FAM169A: variants seen among roughly 807,000 people sequenced by gnomAD.
FAM169A encodes the protein soluble lamin-associated protein of 75 kDa.
Under a neutral mutation model 75.7 loss-of-function variants are expected in FAM169A, and 24 were observed. The observed-to-expected ratio is 0.32, with a 90% CI of 0.23 to 0.45. The LOEUF is 0.45. Among genes scored for constraint, FAM169A ranks in the 20% least tolerant of loss-of-function variants. The probability of loss-of-function intolerance (pLI) is 1.00; values close to 1 mark genes in which losing one functional copy is unlikely to be tolerated. For missense variants in FAM169A, 673 were observed against 784.0 expected, an observed-to-expected ratio of 0.86 and a Z score of 1.69; for synonymous variants, 271 against 271.0, an observed-to-expected ratio of 1.00 and a Z score of 0.00.
chr5:74,833,181 G>A lies in FAM169A; in HGVS notation c.490+1245C>T, dbSNP rs149578989. ...CAGGTAGGAAACTCCCCTGGAGCCA[G>A]TATTAGAAACAAAAAGCCTCCAATT... is the stretch of plus-strand genomic sequence containing the variant. On this transcript the variant is annotated intron_variant, in intron 5 of 12. Transcript: ENST00000687041. Among the ~76,000 whole-genome samples, 134 of 152,248 alleles carry A rather than the reference G, an allele frequency of 8.8e-4. 2 individuals are homozygous for A. In the East Asian group the frequency reaches 0.025, roughly 28 times the overall value.
At chr5:74,855,121 G>A (rs932544400) in intron 1 of FAM169A, among the ~76,000 whole-genome samples, 1 of 152,160 alleles carries the variant, frequency 6.6e-6, no homozygotes, top group Non-Finnish European at 1.5e-5. Flanking sequence ...ACCAGCATTC[G>A]TTACTGCCTG....
At chr5:74,809,825 T>C (rs1038257456) in intron 6 of FAM169A, among the ~76,000 whole-genome samples, 2 of 152,084 alleles carry the variant, frequency 1.3e-5, no homozygotes, top group Admixed American at 6.5e-5. Flanking sequence ...ATTAAAGAGA[T>C]TGACAAAAAC....
intron 6 of FAM169A, among the ~76,000 whole-genome samples, chr5:74,805,523 G>GTTTTTTT (rs1561298455): frequency 1.9e-5 from 2 of 105,604 alleles, no homozygotes; most frequent in Non-Finnish European, 1.8e-5. Flanking sequence ...AATGTGCTTC[G>GTTTTTTT]CTTTTTTTTT....
chr5:74,821,616 AG>A (rs539525046), intron 5 of FAM169A, among the ~76,000 whole-genome samples: 1 of 152,354 alleles, frequency 6.6e-6, no homozygotes, highest in Non-Finnish European at 1.5e-5. Flanking sequence ...TCTATAAATT[AG>A]TTAAGGCAAT....
intron 10 of FAM169A, chr5:74,798,966 T>A (rs1252240210): frequency 1.8e-6 from 2 of 1,104,892 alleles, no homozygotes; most frequent in South Asian, 2.5e-5. Flanking sequence ...CGACCCCAGC[T>A]TTCTCTCCTT....
chr5:74,860,448 C>T (rs1474535712), intron 1 of FAM169A, among the ~76,000 whole-genome samples: 2 of 152,178 alleles, frequency 1.3e-5, no homozygotes, highest in Admixed American at 1.3e-4. Context: ...CTCATAAGAT[C>T]TCCAATAACC....
At chr5:74,799,267 A>T in intron 10 of FAM169A, 1 of 1,533,584 alleles carries the variant, frequency 6.5e-7, no homozygotes, top group Admixed American at 1.7e-5. Context: ...AACACTGATG[A>T]TCCTGAGAAT....
At chr5:74,834,657 T>C (rs150659936) in intron 4 of FAM169A, 60 bp from the exon 5 acceptor site, 4 of 1,303,532 alleles carry the variant, frequency 3.1e-6, no homozygotes, top group East Asian at 2.7e-5. Flanking sequence ...CACAAGATGC[T>C]ATTTACTTTG....
At chr5:74,803,832 C>T (rs1746713812) in intron 8 of FAM169A, among the ~76,000 whole-genome samples, 1 of 152,148 alleles carries the variant, frequency 6.6e-6, no homozygotes, top group South Asian at 2.1e-4. Context: ...AACATAACAA[C>T]TTCATAGTCT....
intron 1 of FAM169A, among the ~76,000 whole-genome samples, chr5:74,842,420 C>CAAAAAAAAAAAAAA (rs56653446): frequency 4.4e-5 from 1 of 22,476 alleles, no homozygotes. Context: ...GACTCTATCA[C>CAAAAAAAAAAAAAA]AAAAAAAAAA....
intron 1 of FAM169A, among the ~76,000 whole-genome samples, chr5:74,859,890 T>C (rs964779171): frequency 6.6e-6 from 1 of 151,922 alleles, no homozygotes; most frequent in Non-Finnish European, 1.5e-5. Context: ...GTGTCATACA[T>C]GGTACATGGG....
intron 5 of FAM169A, among the ~76,000 whole-genome samples, chr5:74,817,794 T>C (rs913258787): frequency 1.3e-5 from 2 of 152,188 alleles, no homozygotes; most frequent in Admixed American, 1.3e-4. Context: ...AGTATGTTAC[T>C]GGCATGGGAA....
rs56653446 is a variant in FAM169A at position 74,842,420 on chromosome 5, CAAAAAAAAAAAAAAAAAAAAAAAAAAA to C, written c.-3-768_-3-742del. ...TGGGTGAAAGAGTGAGACTCTATCA[CAAAAAAAAAAAAAAAAAAAAAAAAAAA>C]AAAAAAAAATCACTGAATTGTACGG... On this transcript the variant is annotated intron_variant, in intron 1 of 12. Transcript: ENST00000687041. Among the ~76,000 whole-genome samples the C allele has an allele frequency of 2.7e-4, 6 of 22,462 alleles. No homozygotes were observed. In the Admixed American group the frequency reaches 5.6e-3, roughly 21 times the overall value. The allele number at this position is 22,462 out of a possible 152,430, so 14.7% of individuals were successfully genotyped here.
At chr5:74,811,185 T>C (rs1747175866) in intron 6 of FAM169A, among the ~76,000 whole-genome samples, 2 of 152,110 alleles carry the variant, frequency 1.3e-5, no homozygotes, top group African/African-American at 4.8e-5. Flanking sequence ...AATTTCACCA[T>C]GTTGGCCAGG....
intron 5 of FAM169A, among the ~76,000 whole-genome samples, chr5:74,833,850 T>C (rs933883954): frequency 2.6e-5 from 4 of 152,224 alleles, no homozygotes; most frequent in African/African-American, 9.6e-5. Context: ...AAAGCAGGTA[T>C]GAGGTTGCAC....
chr5:74,805,347 T>TTGAAAAGTAAGCTTCCCAACTC (rs1212223522), intron 6 of FAM169A, 63 bp from the exon 7 acceptor site: 313 of 1,544,822 alleles, frequency 2.0e-4, no homozygotes, highest in Non-Finnish European at 2.5e-4. Flanking sequence ...AAAACAGGAG[T>TTGAAAAGTAAGCTTCCCAACTC]TGAAAAGTAA....
chr5:74,812,049 C>T (rs1242374424), intron 6 of FAM169A, among the ~76,000 whole-genome samples: 1 of 152,204 alleles, frequency 6.6e-6, no homozygotes, highest in Non-Finnish European at 1.5e-5. Flanking sequence ...AAGGCTTCGA[C>T]CATATTGGCA....
intron 1 of FAM169A, among the ~76,000 whole-genome samples, chr5:74,849,831 G>T (rs1749349021): frequency 6.6e-6 from 1 of 152,132 alleles, no homozygotes; most frequent in African/African-American, 2.4e-5. Context: ...CCGAGTTTTT[G>T]AATATGACAA....
At chr5:74,799,467 A>G in intron 10 of FAM169A, 2 of 1,611,232 alleles carry the variant, frequency 1.2e-6, no homozygotes, top group Non-Finnish European at 1.7e-6. Context: ...TTTTGCTGGC[A>G]GCAGGATCAT....
Sources: allele counts gnomAD v4.1 joint callset (sites outside exome capture counted in the v4.1 genomes callset), GRCh38; gene constraint gnomAD v4.1.1; transcripts MANE v1.5; gene names NCBI Gene and HGNC (gene_info 2026-07-23, HGNC 2026-07-21).